Variants in CRPPA observed in about 807,000 individuals in gnomAD.
The protein encoded by CRPPA is D-ribitol-5-phosphate cytidylyltransferase.
CRPPA carries 43 observed loss-of-function variants against 52.0 expected under a neutral mutation model. That is an observed-to-expected ratio of 0.83 (90% CI 0.65 to 1.07). CRPPA has a LOEUF of 1.07. Ranked by LOEUF, CRPPA falls within the 50% of genes least tolerant of loss-of-function variation. CRPPA has a pLI of 0.00. For synonymous variants in CRPPA, 250 were observed against 203.5 expected (o/e 1.23, Z -1.94); for missense variants, 629 against 551.7 (o/e 1.14, Z -1.40).
At position 16,203,972 on chromosome 7, in the gene CRPPA, A is replaced by G. The variant is rs1349987745; in HGVS notation, c.1251+12094T>C. 2.0e-5 allele frequency among the ~76,000 whole-genome samples: 3 copies of G among 152,174 alleles called. No individual in the cohort carries two copies. In the East Asian group the frequency reaches 5.8e-4, roughly 29 times the overall value. On this transcript the variant is annotated intron_variant, in intron 9 of 9. Coordinates refer to ENST00000407010, the MANE Select transcript of CRPPA (RefSeq NM_001101426.4). ...ACGTATTAATTCATGTTACAAAAAC[A>G]AAGATCACTATATTCAAAATTTTAA...
At chr7:16,103,450 T>A (rs371712763) in intron 9 of CRPPA, among the ~76,000 whole-genome samples, 3 of 152,256 alleles carry the variant, frequency 2.0e-5, no homozygotes, top group East Asian at 3.9e-4. Flanking sequence ...ACTTAAAGTA[T>A]AATTTTAAAA....
intron 3 of CRPPA, among the ~76,000 whole-genome samples, chr7:16,343,616 T>A (rs1043218278): frequency 3.2e-5 from 2 of 62,446 alleles, no homozygotes; most frequent in African/African-American, 1.3e-4. Context: ...TTGTTTAACA[T>A]CACAGTTGCA....
rs1017943299 is a variant in CRPPA, at chr7:16,181,410, A to G, written c.1251+34656T>C. On this transcript the variant is annotated intron_variant, in intron 9 of 9. Coordinates refer to ENST00000407010, the MANE Select transcript of CRPPA (RefSeq NM_001101426.4). ...CATTCATTAGCTATCACCACAATCA[A>G]ATTGAACAGGTGAAAGAATATTTTC... 2.0e-5 allele frequency among the ~76,000 whole-genome samples: 3 copies of G among 151,914 alleles called. No individual in the cohort carries two copies. The South Asian group carries it at 6.2e-4, about 31-fold the overall frequency.
chr7:16,294,803 G>C (rs1784637953), intron 5 of CRPPA, among the ~76,000 whole-genome samples: 1 of 151,926 alleles, frequency 6.6e-6, no homozygotes, highest in Admixed American at 6.6e-5. Context: ...TATTTAACAA[G>C]AAAAAGCCTG....
At chr7:16,151,918 G>A (rs1400784620) in intron 9 of CRPPA, among the ~76,000 whole-genome samples, 6 of 151,964 alleles carry the variant, frequency 3.9e-5, no homozygotes, top group Admixed American at 2.0e-4. Flanking sequence ...ATCCCTGACT[G>A]AAAACATAGT....
At chr7:16,214,855 C>T (rs1228658409) in intron 9 of CRPPA, among the ~76,000 whole-genome samples, 1 of 152,130 alleles carries the variant, frequency 6.6e-6, no homozygotes, top group African/African-American at 2.4e-5. Context: ...GTTACTCTAC[C>T]CGTTATCTGT....
At chr7:16,264,405 A>G (rs1051704435) in intron 6 of CRPPA, among the ~76,000 whole-genome samples, 4 of 152,222 alleles carry the variant, frequency 2.6e-5, no homozygotes, top group Non-Finnish European at 5.9e-5. Context: ...TCCTTACATC[A>G]TAACAAATAA....
At chr7:16,148,844 A>G (rs1783022807) in intron 9 of CRPPA, among the ~76,000 whole-genome samples, 1 of 152,186 alleles carries the variant, frequency 6.6e-6, no homozygotes, top group Non-Finnish European at 1.5e-5. Context: ...AAGAATAGAT[A>G]AAAGGCTGAG....
At chr7:16,094,504 T>G (rs1781896794) in intron 9 of CRPPA, among the ~76,000 whole-genome samples, 1 of 152,116 alleles carries the variant, frequency 6.6e-6, no homozygotes, top group Non-Finnish European at 1.5e-5. Context: ...AAAATGGTTT[T>G]AATCCTTGAG....
intron 5 of CRPPA, among the ~76,000 whole-genome samples, chr7:16,285,415 C>T (rs1220860044): frequency 6.6e-6 from 1 of 152,054 alleles, no homozygotes; most frequent in Non-Finnish European, 1.5e-5. Flanking sequence ...TTTTAAGTAG[C>T]TTCTAAAAAA....
intron 9 of CRPPA, among the ~76,000 whole-genome samples, chr7:16,192,050 T>C (rs550295079): frequency 5.3e-5 from 8 of 152,206 alleles, no homozygotes; most frequent in African/African-American, 1.7e-4. Context: ...GATCTTTCTC[T>C]ATAAAAAAGG....
intron 8 of CRPPA, among the ~76,000 whole-genome samples, chr7:16,244,296 T>C (rs1222423841): frequency 1.3e-5 from 2 of 152,102 alleles, no homozygotes; most frequent in Non-Finnish European, 2.9e-5. Flanking sequence ...AAAAAGTTGA[T>C]CTTCATGTAG....
chr7:16,258,270 C>T, intron 8 of CRPPA, 120 bp downstream of exon 8: 1 of 545,260 alleles, frequency 1.8e-6, no homozygotes, highest in Non-Finnish European at 3.1e-6. Flanking sequence ...AATCCACAAA[C>T]AAGAGTTTCT....
chr7:16,349,737 A>G (rs1786098898), intron 3 of CRPPA, among the ~76,000 whole-genome samples: 1 of 152,072 alleles, frequency 6.6e-6, no homozygotes, highest in African/African-American at 2.4e-5. Flanking sequence ...GAGAATGAGA[A>G]AGAGTACGGA....
chr7:16,286,087 T>TA (rs1206296972), intron 5 of CRPPA, among the ~76,000 whole-genome samples: 1,101 of 15,480 alleles, frequency 0.071, 131 homozygotes, highest in South Asian at 0.12. Context: ...ATATAATATT[T>TA]AAAAAAAAAA....
chr7:16,219,818 A>G (rs1782449007), intron 8 of CRPPA, among the ~76,000 whole-genome samples: 2 of 148,906 alleles, frequency 1.3e-5, no homozygotes, highest in African/African-American at 4.9e-5. Flanking sequence ...ACCAACCAAA[A>G]AGAGTCCAGG....
intron 3 of CRPPA, among the ~76,000 whole-genome samples, chr7:16,374,970 T>C (rs956339612): frequency 6.6e-6 from 1 of 152,218 alleles, no homozygotes; most frequent in African/African-American, 2.4e-5. Flanking sequence ...CAAACACTGG[T>C]AATCTCACAT....
rs370634946 is a variant in CRPPA at position 16,314,939 on chromosome 7, A to G, written c.685-6312T>C. Among the ~76,000 whole-genome samples the G allele has an allele frequency of 1.5e-4, 23 of 152,180 alleles. 1 individual carries two copies. Among genetic ancestry groups the G allele is most frequent in the African/African-American group, 5.1e-4 (21 of 41,548 alleles). On this transcript the variant is annotated intron_variant, in intron 3 of 9. Transcript: ENST00000407010. Reference sequence around the variant, plus strand: ...TGGTTTCTAACATTGATTTGGAGAAATTTCCAGTCATTGTTACTTCAAATA... The same window carrying G: ...TGGTTTCTAACATTGATTTGGAGAAGTTTCCAGTCATTGTTACTTCAAATA...
chr7:16,218,030 G>A (rs1177858346), intron 8 of CRPPA, among the ~76,000 whole-genome samples: 1 of 151,600 alleles, frequency 6.6e-6, no homozygotes, highest in Non-Finnish European at 1.5e-5. Context: ...AATGTTAAGG[G>A]CAGCCAGAGA....
Sources: allele counts gnomAD v4.1 joint callset (sites outside exome capture counted in the v4.1 genomes callset), GRCh38; gene constraint gnomAD v4.1.1; transcripts MANE v1.5; gene names NCBI Gene and HGNC (gene_info 2026-07-23, HGNC 2026-07-21).